Variants in NAALADL2 observed in about 807,000 individuals in gnomAD.
NAALADL2 encodes the protein inactive N-acetylated-alpha-linked acidic dipeptidase-like protein 2.
A neutral mutation model predicts 87.2 loss-of-function variants in NAALADL2; 76 were observed. The ratio of observed to expected loss-of-function variants is 0.87; its 90% confidence interval spans 0.72 to 1.05. The LOEUF (loss-of-function observed/expected upper bound fraction) is 1.05. Among genes scored for constraint, NAALADL2 ranks in the 50% least tolerant of loss-of-function variants. NAALADL2 has a pLI of 0.00. For missense variants in NAALADL2, 1,089 were observed against 945.8 expected (o/e 1.15, Z -1.99); for synonymous variants, 354 against 331.0 (o/e 1.07, Z -0.75).
chr3:175,655,272 A>G (rs1457849643), intron 11 of NAALADL2, among the ~76,000 whole-genome samples: 1 of 152,146 alleles, frequency 6.6e-6, no homozygotes, highest in Non-Finnish European at 1.5e-5. Context: ...AGTATATCAT[A>G]AAATAGGTGA....
intron 4 of NAALADL2, among the ~76,000 whole-genome samples, chr3:175,293,193 A>G (rs910735700): frequency 5.9e-5 from 9 of 152,134 alleles, no homozygotes; most frequent in Non-Finnish European, 1.3e-4. Context: ...TTATTTATGT[A>G]AGTAGACAGG....
chr3:174,790,947 A>G (rs1391795583), intron 3 of NAALADL2, among the ~76,000 whole-genome samples: 1 of 152,190 alleles, frequency 6.6e-6, no homozygotes, highest in African/African-American at 2.4e-5. Flanking sequence ...TATAAAGTAT[A>G]CTTTAGTCTA....
At chr3:175,293,477 C>CCAAA (rs1374103288) in intron 4 of NAALADL2, among the ~76,000 whole-genome samples, 1 of 152,034 alleles carries the variant, frequency 6.6e-6, no homozygotes, top group Non-Finnish European at 1.5e-5. Context: ...TAAATATTTT[C>CCAAA]CAAACAGTAC....
chr3:175,503,630 G>T (rs1729861278), intron 9 of NAALADL2, among the ~76,000 whole-genome samples: 1 of 152,082 alleles, frequency 6.6e-6, no homozygotes, highest in Non-Finnish European at 1.5e-5. Flanking sequence ...CATTCTGACT[G>T]GTATGAGATG....
chr3:175,387,958 T>C (rs1449840137), intron 5 of NAALADL2, among the ~76,000 whole-genome samples: 2 of 152,100 alleles, frequency 1.3e-5, no homozygotes. Context: ...ATATTGTAGC[T>C]ATTCCCTGTT....
intron 10 of NAALADL2, among the ~76,000 whole-genome samples, chr3:175,580,117 C>G (rs548304385): frequency 6.6e-6 from 1 of 151,912 alleles, no homozygotes; most frequent in South Asian, 2.1e-4. Flanking sequence ...ATTTAATAAC[C>G]CAGGGACAGA....
At chr3:174,452,397 G>T (rs1334636621) in intron 1 of NAALADL2, among the ~76,000 whole-genome samples, 1 of 152,106 alleles carries the variant, frequency 6.6e-6, no homozygotes, top group Non-Finnish European at 1.5e-5. Context: ...GCACCTGCTA[G>T]CACCCTGCTG....
In NAALADL2 at chr3:175,809,512, A is replaced by G. The variant is rs1304037562; in HGVS notation, c.*6309A>G. The G allele has an allele frequency of 5.4e-5, 3 of 55,300 alleles. No individual in the cohort carries two copies. The African/African-American group carries it at 8.2e-4, about 15-fold the overall frequency. 3.4% of individuals were successfully genotyped at this position (55,300 alleles called of 1,614,324 possible). A position where few individuals can be genotyped will look rare whatever the true frequency, so the allele number is the denominator to read the frequency against. On this transcript the variant is annotated 3_prime_UTR_variant, in exon 14 of 14. Transcript: ENST00000454872. ...AACAAAGTGAGACCCTGTCTCTCTT[A>G]AAAAAAAAAAAAAAAAAAAAAAAAA...
chr3:175,700,975 A>ATGGAGATAAATGAAATGGTACTG, intron 11 of NAALADL2, among the ~76,000 whole-genome samples: 1 of 152,160 alleles, frequency 6.6e-6, no homozygotes, highest in South Asian at 2.1e-4. Context: ...AAATGGTACT[A>ATGGAGATAAATGAAATGGTACTG]TGGAGATAAA....
intron 1 of NAALADL2, among the ~76,000 whole-genome samples, chr3:174,491,608 T>A (rs1026792483): frequency 2.0e-5 from 3 of 152,216 alleles, no homozygotes; most frequent in Admixed American, 1.3e-4. Context: ...GCTGGTAATT[T>A]AAAATGGATG....
chr3:175,732,528 A>G (rs1323891327), intron 11 of NAALADL2, among the ~76,000 whole-genome samples: 1 of 152,124 alleles, frequency 6.6e-6, no homozygotes, highest in African/African-American at 2.4e-5. Flanking sequence ...CTGACAAACA[A>G]TGAGATTTCC....
intron 9 of NAALADL2, among the ~76,000 whole-genome samples, chr3:175,516,980 G>C (rs556497082): frequency 2.2e-4 from 34 of 152,210 alleles, no homozygotes; most frequent in African/African-American, 7.7e-4. Flanking sequence ...TTATGGGCCT[G>C]TATCTGTATC....
chr3:174,822,187 GGAGA>G (rs1474079382), intron 3 of NAALADL2, among the ~76,000 whole-genome samples: 6 of 151,800 alleles, frequency 4.0e-5, no homozygotes, highest in Admixed American at 3.3e-4. Context: ...AGGGAGAGGG[GGAGA>G]GAGAGAGTGA....
Position 175,324,210 on chromosome 3 carries a change from T to C in NAALADL2, c.975T>C (p.Val325=). Residue 325 remains valine (V), a synonymous_variant, in exon 5 of 14, where the codon GTT becomes GTC. Coordinates refer to ENST00000454872, the MANE Select transcript of NAALADL2 (RefSeq NM_207015.3). ...TGGAAAAGGCTGGATTTGGAGGTGT[T>C]CTTCTGTATATCGATCCTTGTGATT... is the stretch of plus-strand genomic sequence containing the variant. ...SSLEKAGFGG[V]LLYIDPCDLP... is the part of the protein sequence containing the mutation. The C allele has an allele frequency of 6.2e-7, 1 of 1,613,750 alleles. No individual in the cohort carries two copies. The highest frequency in any genetic ancestry group is 8.5e-7 in the Non-Finnish European group (1 of 1,179,740).
At chr3:175,384,799 T>C (rs1404562957) in intron 5 of NAALADL2, among the ~76,000 whole-genome samples, 2 of 150,418 alleles carry the variant, frequency 1.3e-5, no homozygotes, top group Non-Finnish European at 2.9e-5. Flanking sequence ...TTATTTTTAA[T>C]TTATTTTATT....
At chr3:174,819,466 C>T (rs1721193111) in intron 3 of NAALADL2, among the ~76,000 whole-genome samples, 2 of 151,790 alleles carry the variant, frequency 1.3e-5, no homozygotes, top group African/African-American at 4.8e-5. Flanking sequence ...TACGATGTAA[C>T]ATAGAGGTAT....
At chr3:175,234,837 G>C (rs111373228) in intron 3 of NAALADL2, 1 of 151,992 alleles carries the variant, frequency 6.6e-6, no homozygotes, top group Middle Eastern at 3.2e-3. Flanking sequence ...GGGAGGAAAC[G>C]GGCTGATTTC....
intron 10 of NAALADL2, among the ~76,000 whole-genome samples, chr3:175,616,467 T>G (rs1560855755): frequency 6.6e-6 from 1 of 152,202 alleles, no homozygotes; most frequent in East Asian, 1.9e-4. Flanking sequence ...TACATCTCAT[T>G]TTTTTGCTCT....
chr3:174,892,241 C>A (rs1730943690), intron 1 of NAALADL2, among the ~76,000 whole-genome samples: 2 of 152,074 alleles, frequency 1.3e-5, no homozygotes, highest in Non-Finnish European at 2.9e-5. Context: ...CACCAAGGAC[C>A]AATCCTGGAG....
Sources: allele counts gnomAD v4.1 joint callset (sites outside exome capture counted in the v4.1 genomes callset), GRCh38; gene constraint gnomAD v4.1.1; transcripts MANE v1.5; gene names NCBI Gene and HGNC (gene_info 2026-07-23, HGNC 2026-07-21).